Variants in POLE2 observed in about 807,000 individuals in gnomAD.
POLE2 encodes DNA polymerase epsilon subunit 2.
A neutral mutation model predicts 79.4 loss-of-function variants in POLE2; 56 were observed. The observed-to-expected ratio is 0.71, with a 90% confidence interval of 0.57 to 0.88. The LOEUF is 0.88. Ranked by LOEUF, POLE2 falls within the 40% of genes least tolerant of loss-of-function variation. The probability of loss-of-function intolerance (pLI) is 0.00; values close to 1 mark genes in which losing one functional copy is unlikely to be tolerated. For missense variants in POLE2, 598 were observed against 638.9 expected (o/e 0.94, Z 0.69); for synonymous variants, 212 against 214.0 (o/e 0.99, Z 0.08).
At chr14:49,647,436 A>G (rs1175095162) in intron 17 of POLE2, 76 bp from the exon 18 acceptor site, 2 of 506,016 alleles carry the variant, frequency 4.0e-6, no homozygotes, top group Non-Finnish European at 6.6e-6. Flanking sequence ...CACAATATGT[A>G]TATTTTTTAT....
chr14:49,655,633 A>T, intron 11 of POLE2, 38 bp downstream of exon 11: 2 of 1,444,468 alleles, frequency 1.4e-6, no homozygotes, highest in Non-Finnish European at 1.9e-6. Flanking sequence ...ATGAACCCTT[A>T]AAAGAGTTCA....
chr14:49,674,191 G>C lies in POLE2; in HGVS notation c.349C>G (p.Pro117Ala), dbSNP rs766688419. The C allele has an allele frequency of 2.5e-6, 4 of 1,612,640 alleles. No homozygotes were observed. The South Asian group carries it at 3.3e-5, about 13-fold the overall frequency. ...TCTCTTGGTGTTCCAAATAAATTTGGTGCAGGGTGGTTGGTCATTAACAGA... is the reference window on the plus strand; with the variant it reads ...TCTCTTGGTGTTCCAAATAAATTTGCTGCAGGGTGGTTGGTCATTAACAGA... ...LPLLMTNHPA[P>A]NLFGTPRDKA... The change falls in exon 5 of 19, where the codon CCA (proline) becomes GCA (alanine). Residue 117 changes from proline (P) to alanine (A), a missense_variant. By Grantham distance (27) the Pro-to-Ala change is conservative. Coordinates refer to ENST00000216367, the MANE Select transcript of POLE2 (RefSeq NM_002692.4).
At chr14:49,684,928 G>T (rs915699070) in intron 1 of POLE2, among the ~76,000 whole-genome samples, 9 of 152,072 alleles carry the variant, frequency 5.9e-5, no homozygotes, top group Non-Finnish European at 1.3e-4. Context: ...AGTGAGCGGA[G>T]ATCGGGCCAC....
chr14:49,673,021 G>C (rs538474070), intron 5 of POLE2, among the ~76,000 whole-genome samples: 5 of 152,178 alleles, frequency 3.3e-5, no homozygotes, highest in African/African-American at 9.6e-5. Context: ...CCTGTTTAAT[G>C]TATTTTTCTA....
intron 3 of POLE2, among the ~76,000 whole-genome samples, chr14:49,676,660 G>A (rs964369813): frequency 9.9e-5 from 15 of 152,238 alleles, no homozygotes; most frequent in Non-Finnish European, 1.8e-4. Flanking sequence ...CAGGCACTGC[G>A]CACTGAGGCC....
Position 49,679,787 on chromosome 14 carries a change from C to A in POLE2, c.183G>T (p.Met61Ile). ...AVEKQPLSSN[M>I]IERSVVEAAV... ...CTGCTTCCACCACAGATCGTTCAAT[C>A]ATGTTTGATGACACTGAAAAGAGAA... is the stretch of plus-strand genomic sequence containing the variant. The change falls in exon 3 of 19, where the codon ATG becomes ATT. Residue 61 changes from methionine (M) to isoleucine (I), a missense_variant. Met to Ile is a conservative substitution (Grantham distance 10, BLOSUM62 1). Coordinates refer to ENST00000216367, the MANE Select transcript of POLE2 (RefSeq NM_002692.4). 1 of 1,593,002 alleles carries A rather than the reference C, an allele frequency of 6.3e-7. No homozygotes were observed. The highest frequency in any genetic ancestry group is 8.6e-7 in the Non-Finnish European group (1 of 1,162,490).
intron 10 of POLE2, among the ~76,000 whole-genome samples, chr14:49,656,479 A>C (rs1884689063): frequency 6.6e-6 from 1 of 152,244 alleles, no homozygotes; most frequent in Admixed American, 6.5e-5. Context: ...ATATGTGCTA[A>C]CCATCTGCCC....
chr14:49,680,104 C>G (rs1300063334), intron 2 of POLE2, among the ~76,000 whole-genome samples: 1 of 152,208 alleles, frequency 6.6e-6, no homozygotes, highest in Non-Finnish European at 1.5e-5. Context: ...AATCCTAACA[C>G]TTTGGGAGGC....
intron 16 of POLE2, among the ~76,000 whole-genome samples, chr14:49,650,868 A>C (rs894097782): frequency 6.6e-5 from 10 of 152,254 alleles, no homozygotes; most frequent in Non-Finnish European, 5.9e-5. Flanking sequence ...AACTATTGTC[A>C]GGGAACCTCG....
intron 3 of POLE2, among the ~76,000 whole-genome samples, chr14:49,677,200 C>G (rs1886341280): frequency 6.6e-6 from 1 of 152,198 alleles, no homozygotes; most frequent in African/African-American, 2.4e-5. Context: ...CCTCTTCAAT[C>G]ACCCCAACAT....
chr14:49,668,029 T>C (rs897918378), intron 6 of POLE2, among the ~76,000 whole-genome samples: 1 of 152,160 alleles, frequency 6.6e-6, no homozygotes, highest in Non-Finnish European at 1.5e-5. Context: ...CCCAGCACTT[T>C]GGGAGGCTGA....
intron 6 of POLE2, among the ~76,000 whole-genome samples, chr14:49,667,549 A>G (rs2139655729): frequency 6.7e-6 from 1 of 149,186 alleles, no homozygotes; most frequent in East Asian, 1.9e-4. Context: ...ACACAGATAG[A>G]AACTTTTTTT....
intron 2 of POLE2, among the ~76,000 whole-genome samples, chr14:49,680,942 C>T (rs904017898): frequency 6.6e-6 from 1 of 152,142 alleles, no homozygotes; most frequent in Non-Finnish European, 1.5e-5. Context: ...AAATGTTCAA[C>T]TGTAAAGGAA....
In POLE2 at chr14:49,684,900, C is replaced by T. The variant is rs538670136; in HGVS notation, c.69-1207G>A. On this transcript the variant is annotated intron_variant, in intron 1 of 18. Transcript: ENST00000216367. ...GCTGAGGAGGGAGAACGGAGTGAACCTGAGAGGCGGAGCTTGCAGTGAGCG... is the reference window on the plus strand; with the variant it reads ...GCTGAGGAGGGAGAACGGAGTGAACTTGAGAGGCGGAGCTTGCAGTGAGCG... Among the ~76,000 whole-genome samples, 4 of 152,140 alleles carry T rather than the reference C, an allele frequency of 2.6e-5. No individual in the cohort carries two copies. In the East Asian group the frequency reaches 5.8e-4, roughly 22 times the overall value.
At chr14:49,671,598 C>G (rs537316169) in intron 5 of POLE2, among the ~76,000 whole-genome samples, 1 of 130,346 alleles carries the variant, frequency 7.7e-6, no homozygotes, top group African/African-American at 3.0e-5. Flanking sequence ...GCCTGGGCAA[C>G]AGAGTAAGAC....
chr14:49,666,519 CTACTT>C (rs1368432703), intron 6 of POLE2, 106 bp from the exon 7 acceptor site: 5 of 449,522 alleles, frequency 1.1e-5, no homozygotes, highest in Non-Finnish European at 2.0e-5. Context: ...GCATTTATAG[CTACTT>C]TACAGTAGAA....
At chr14:49,679,263 C>G (rs112096475) in intron 3 of POLE2, among the ~76,000 whole-genome samples, 1 of 152,064 alleles carries the variant, frequency 6.6e-6, no homozygotes, top group Non-Finnish European at 1.5e-5. Context: ...GAATTACTGC[C>G]ATATAAATTC....
intron 2 of POLE2, chr14:49,681,955 A>G (rs929284037): frequency 3.3e-5 from 5 of 152,956 alleles, no homozygotes; most frequent in African/African-American, 1.2e-4. Flanking sequence ...TACTCAAGAA[A>G]AAAATGACCA....
chr14:49,676,756 C>T (rs537516808), intron 3 of POLE2, among the ~76,000 whole-genome samples: 1 of 152,310 alleles, frequency 6.6e-6, no homozygotes, highest in African/African-American at 2.4e-5. Context: ...CAGGAGCTGC[C>T]CAAAAGTGGG....
Sources: allele counts gnomAD v4.1 joint callset (sites outside exome capture counted in the v4.1 genomes callset), GRCh38; gene constraint gnomAD v4.1.1; transcripts MANE v1.5; gene names NCBI Gene and HGNC (gene_info 2026-07-23, HGNC 2026-07-21).